TEX101: variants seen among roughly 807,000 people sequenced by gnomAD.
The protein encoded by TEX101 is testis-expressed protein 101.
In TEX101, 10 loss-of-function variants were observed where a neutral mutation model predicts 18.1. The observed-to-expected ratio is 0.55, with a 90% CI of 0.34 to 0.94. The LOEUF is 0.94. TEX101 is among the 40% of genes least tolerant of loss of function. The pLI is 0.02. For synonymous variants in TEX101, 94 were observed against 114.8 expected (o/e 0.82, Z 1.16); for missense variants, 259 against 298.9 (o/e 0.87, Z 0.98).
chr19:43,406,935 T>TTTG (rs1555745353), intron 3 of TEX101, among the ~76,000 whole-genome samples: 3,889 of 110,114 alleles, frequency 0.035, 166 homozygotes, highest in African/African-American at 0.1. Flanking sequence ...TTTTTTGTTT[T>TTTG]TTTTTTTTTT....
At chr19:43,417,362 A>G (rs914740425) in intron 4 of TEX101, among the ~76,000 whole-genome samples, 7 of 152,226 alleles carry the variant, frequency 4.6e-5, no homozygotes, top group African/African-American at 1.4e-4. Flanking sequence ...CAAGCTGAAT[A>G]TGAGTCGTGC....
chr19:43,390,926 T>C, the TEX101 span, among the ~76,000 whole-genome samples: 1 of 152,146 alleles, frequency 6.6e-6, no homozygotes, highest in African/African-American at 2.4e-5. Context: ...CTCCAGCCAC[T>C]GACAACCACC....
At chr19:43,406,226 A>G (rs1970361617) in exon 3 of TEX101, 1 of 465,990 alleles carries the variant, frequency 2.1e-6, no homozygotes, top group Admixed American at 4.1e-5. Flanking sequence ...TGTGCAGGGC[A>G]CTGAATGTCA....
chr19:43,399,717 A>G (rs368940024), upstream of TEX101, among the ~76,000 whole-genome samples: 3 of 151,910 alleles, frequency 2.0e-5, no homozygotes, highest in South Asian at 6.2e-4. Flanking sequence ...AAGTGTTTCA[A>G]TCCATTGCAT....
At chr19:43,394,894 A>C in the TEX101 span, among the ~76,000 whole-genome samples, 1 of 152,276 alleles carries the variant, frequency 6.6e-6, no homozygotes, top group South Asian at 2.1e-4. Context: ...TTCAGGGAGG[A>C]AAAGCTTTTC....
At chr19:43,393,422 A>C in the TEX101 span, among the ~76,000 whole-genome samples, 8 of 152,132 alleles carry the variant, frequency 5.3e-5, no homozygotes, top group African/African-American at 1.9e-4. Flanking sequence ...CTGTCTCTGA[A>C]CCTCAGTTTC....
chr19:43,408,086 A>AC (rs1156677098), intron 3 of TEX101, among the ~76,000 whole-genome samples: 2 of 150,948 alleles, frequency 1.3e-5, no homozygotes, highest in African/African-American at 4.9e-5. Flanking sequence ...GCGTCCCCAT[A>AC]CCCCCACCCC....
chr19:43,389,136 C>T, the TEX101 span, among the ~76,000 whole-genome samples: 2 of 152,206 alleles, frequency 1.3e-5, no homozygotes, highest in Non-Finnish European at 2.9e-5. Flanking sequence ...CAGGACTTCC[C>T]GCCGGGAACT....
At chr19:43,414,378 G>A (rs1170787347), upstream of TEX101, among the ~76,000 whole-genome samples, 1 of 152,206 alleles carries the variant, frequency 6.6e-6, no homozygotes, top group African/African-American at 2.4e-5. Context: ...ACCATGAGGA[G>A]GCTGGTGCGA....
At chr19:43,406,412 GGA>G (rs1970363506) in exon 3 of TEX101, 1 of 733,280 alleles carries the variant, frequency 1.4e-6, no homozygotes, top group African/African-American at 1.7e-5. Context: ...GGAACCTGCG[GGA>G]GAGAAGAACC....
Position 43,415,953 on chromosome 19 carries a change from C to T in TEX101, c.34C>T (p.Leu12Phe), listed in dbSNP as rs145200793. The change falls in exon 2 of 6, where the codon CTC becomes TTC. Residue 12 changes from leucine (L) to phenylalanine (F), a missense_variant. Physicochemically the swap from Leu to Phe is conservative, Grantham distance 22. Transcript: ENST00000598265. ...GTPRIQHLLI[L>F]LVLGASLLTS... ...CCCTCGTATCCAGCATTTGCTGATCCTCCTGGTCCTAGGAGCCTCCCTCCT... is the reference window on the plus strand; with the variant it reads ...CCCTCGTATCCAGCATTTGCTGATCTTCCTGGTCCTAGGAGCCTCCCTCCT... 17 of 1,614,156 alleles carry T rather than the reference C, an allele frequency of 1.1e-5. No homozygotes were observed. Among genetic ancestry groups the T allele is most frequent in the Non-Finnish European group, 1.4e-5 (17 of 1,180,024 alleles).
chr19:43,390,541 C>G, the TEX101 span, among the ~76,000 whole-genome samples: 59 of 125,826 alleles, frequency 4.7e-4, no homozygotes, highest in Admixed American at 8.0e-4. Context: ...GATCTCGGCT[C>G]ACTGCAACCT....
intron 2 of TEX101, among the ~76,000 whole-genome samples, chr19:43,404,221 G>A (rs987214351): frequency 2.0e-5 from 3 of 151,992 alleles, no homozygotes; most frequent in East Asian, 1.9e-4. Context: ...AGCAGTGCAC[G>A]TGAGAAGTAA....
At chr19:43,405,328 G>C (rs980588255) in intron 2 of TEX101, among the ~76,000 whole-genome samples, 3 of 152,058 alleles carry the variant, frequency 2.0e-5, no homozygotes, top group Middle Eastern at 3.2e-3. Flanking sequence ...CAGCACTTTG[G>C]GGGGCCGAGG....
chr19:43,402,274 C>G (rs2122318044), intron 1 of TEX101, among the ~76,000 whole-genome samples: 1 of 152,274 alleles, frequency 6.6e-6, no homozygotes, highest in South Asian at 2.1e-4. Context: ...AGCAAACGAA[C>G]AGCATCAGTT....
At chr19:43,398,778 T>C (rs1436843524), upstream of TEX101, among the ~76,000 whole-genome samples, 1 of 152,064 alleles carries the variant, frequency 6.6e-6, no homozygotes, top group Non-Finnish European at 1.5e-5. Flanking sequence ...CTTCCAGAAA[T>C]CATGAGAGAG....
chr19:43,389,891 G>T, the TEX101 span, among the ~76,000 whole-genome samples: 10 of 152,104 alleles, frequency 6.6e-5, no homozygotes, highest in East Asian at 1.5e-3. Context: ...ATTCCTCCTT[G>T]AATGAATACA....
intron 3 of TEX101, among the ~76,000 whole-genome samples, chr19:43,406,941 T>G (rs202042196): frequency 1.1e-4 from 17 of 150,954 alleles, no homozygotes; most frequent in East Asian, 5.8e-4. Context: ...GTTTTTTTTT[T>G]TTTTTTTGAC....
chr19:43,415,460 C>A (rs928948841), intron 1 of TEX101, among the ~76,000 whole-genome samples: 1 of 152,090 alleles, frequency 6.6e-6, no homozygotes, highest in Non-Finnish European at 1.5e-5. Context: ...TGGTCATATA[C>A]ACCATAAACC....
Sources: gnomAD v4.1 joint callset for allele counts (sites outside exome capture counted in the v4.1 genomes callset) on GRCh38, gnomAD v4.1.1 for gene constraint, MANE v1.5 for transcripts, NCBI Gene and HGNC (gene_info 2026-07-23, HGNC 2026-07-21) for gene names.